ATP7B: variants seen among roughly 807,000 people sequenced by gnomAD.
ATP7B encodes the protein ATPase copper transporting beta.
In ATP7B, 113 loss-of-function variants were observed where a neutral mutation model predicts 118.9. The observed-to-expected ratio is 0.95, with a 90% CI of 0.82 to 1.11. The LOEUF (loss-of-function observed/expected upper bound fraction) is 1.11, where lower values mean the gene tolerates loss of function less well. ATP7B is among the 50% of genes most tolerant of loss of function. The pLI, the probability that ATP7B is intolerant of heterozygous loss-of-function variation, is 0.00. For synonymous variants in ATP7B, 777 were observed against 727.4 expected (o/e 1.07, Z -1.10); for missense variants, 1,867 against 1,871.4 (o/e 1.00, Z 0.04).
intron 1 of ATP7B, among the ~76,000 whole-genome samples, chr13:51,977,800 G>A (rs978297901): frequency 6.6e-6 from 1 of 152,086 alleles, no homozygotes; most frequent in South Asian, 2.1e-4. Flanking sequence ...CAACAGCTGC[G>A]AGATCACTAG....
At chr13:51,953,404 G>C (rs967895126) in intron 9 of ATP7B, among the ~76,000 whole-genome samples, 1 of 152,206 alleles carries the variant, frequency 6.6e-6, no homozygotes, top group African/African-American at 2.4e-5. Context: ...GTCCACTTCT[G>C]TAAGGAGACT....
At chr13:51,952,542 A>C (rs1003670889) in intron 9 of ATP7B, among the ~76,000 whole-genome samples, 1 of 152,258 alleles carries the variant, frequency 6.6e-6, no homozygotes, top group Non-Finnish European at 1.5e-5. Flanking sequence ...CTTCCCAGAC[A>C]CATACAAGGT....
chr13:51,943,990 C>G (rs918341935), intron 14 of ATP7B, 119 bp downstream of exon 14: 164 of 1,324,112 alleles, frequency 1.2e-4, no homozygotes, highest in Non-Finnish European at 1.6e-4. Flanking sequence ...GAAGGGCCCT[C>G]TAAGTGGTTT....
intron 3 of ATP7B, 49 bp from the exon 4 acceptor site, chr13:51,968,656 T>C (rs543433135): frequency 6.3e-7 from 1 of 1,599,884 alleles, no homozygotes; most frequent in East Asian, 2.2e-5. Flanking sequence ...GCAGGGCCTC[T>C]AGGTTGACAC....
At chr13:51,975,535 G>C (rs750167928) in intron 1 of ATP7B, 2 of 524,104 alleles carry the variant, frequency 3.8e-6, no homozygotes, top group Non-Finnish European at 7.6e-6. Context: ...GAAGGCACAG[G>C]TATCCCAAAA....
chr13:51,992,906 A>G (rs1952984751), intron 1 of ATP7B, among the ~76,000 whole-genome samples: 1 of 142,388 alleles, frequency 7.0e-6, no homozygotes, highest in Non-Finnish European at 1.5e-5. Context: ...TGAACCCAGG[A>G]GATGGAGGTT....
chr13:51,939,105 G>A lies in ATP7B; in HGVS notation c.3645C>T (p.Asp1215=), dbSNP rs763228636. The A allele has an allele frequency of 1.5e-5, 25 of 1,614,038 alleles. No homozygotes were observed. The highest frequency in any genetic ancestry group is 1.2e-4 in the Admixed American group (7 of 59,994). ...GGTTGTCCCCCGTGATCAGAACCAC[G>A]TCCACACCCATGCTCTGCAGCGTGT... ...AVHTLQSMGV[D]VVLITGDNRK... is the part of the protein sequence containing the mutation. Residue 1215 remains aspartate, a synonymous_variant, in exon 17 of 21, where the codon GAC becomes GAT. Coordinates refer to ENST00000242839, the MANE Select transcript of ATP7B (RefSeq NM_000053.4).
chr13:52,011,442 G>C lies in ATP7B; in HGVS notation c.-105C>G, dbSNP rs71436268. The C allele has an allele frequency of 2.0e-6, 3 of 1,466,590 alleles. No individual in the cohort carries two copies. Among genetic ancestry groups the C allele is most frequent in the Non-Finnish European group, 1.9e-6 (2 of 1,057,396 alleles). 90.8% of individuals were successfully genotyped at this position (1,466,590 alleles called of 1,614,324 possible). ...TTAAAGTCCCGGGAGAGGAGGCGCA[G>C]AGTGTGAGGGCATCGGCGCGGCTCG... On this transcript the variant is annotated 5_prime_UTR_variant, in exon 1 of 21. Transcript: ENST00000242839.
Position 51,961,819 on chromosome 13 carries a change from C to G in ATP7B, c.1946+18G>C. ...GACTTAGATGAGAGCTGGAGTTTATCTTTTGTGTTCTACCTACTGCTTTAT... is the reference window on the plus strand; with the variant it reads ...GACTTAGATGAGAGCTGGAGTTTATGTTTTGTGTTCTACCTACTGCTTTAT... On this transcript the variant is annotated intron_variant, in intron 6 of 20. Coordinates refer to ENST00000242839, the MANE Select transcript of ATP7B (RefSeq NM_000053.4). The G allele has an allele frequency of 6.2e-7, 1 of 1,609,442 alleles. No homozygotes were observed. Among genetic ancestry groups the G allele is most frequent in the Non-Finnish European group, 8.5e-7 (1 of 1,175,836 alleles).
In ATP7B at chr13:51,958,341, G is replaced by A. The variant is rs755218710; in HGVS notation, c.2325C>T (p.Ala775=). The stretch of plus-strand genomic sequence containing the variant: ...CCAAGTGTTCCAGCCACCGGCCCAG[G>A]GCAATGAACACAAAGAGCATGGGGG... ...DTPPMLFVFI[A]LGRWLEHLAK... The change falls in exon 8 of 21, where the codon GCC becomes GCT. Residue 775 remains alanine (A), a synonymous_variant. Transcript: ENST00000242839. The A allele has an allele frequency of 5.6e-6, 9 of 1,614,188 alleles. No homozygotes were observed. Among genetic ancestry groups the A allele is most frequent in the Non-Finnish European group, 6.8e-6 (8 of 1,180,046 alleles).
chr13:51,991,708 G>A (rs867040558), intron 1 of ATP7B, among the ~76,000 whole-genome samples: 5 of 152,262 alleles, frequency 3.3e-5, no homozygotes, highest in African/African-American at 1.2e-4. Flanking sequence ...AGCCTCAGTG[G>A]CAGGCACCCA....
intron 6 of ATP7B, among the ~76,000 whole-genome samples, chr13:51,960,747 A>G (rs9535808): frequency 0.043 from 6,513 of 152,280 alleles, 218 homozygotes; most frequent in South Asian, 0.11. Context: ...ATTAGTATAA[A>G]CTTATACATT....
chr13:51,963,732 G>A (rs1340594079), intron 5 of ATP7B, among the ~76,000 whole-genome samples: 2 of 99,146 alleles, frequency 2.0e-5, no homozygotes, highest in Admixed American at 1.3e-4. Context: ...GCGAGACCAC[G>A]TCTCAAAAAA....
intron 19 of ATP7B, 97 bp from the exon 20 acceptor site, chr13:51,935,792 G>GGTGGAGACCTCAC: frequency 1.8e-6 from 2 of 1,088,594 alleles, no homozygotes; most frequent in Non-Finnish European, 2.7e-6. Flanking sequence ...GCGGCCCCCA[G>GGTGGAGACCTCAC]TGAGGTCTCC....
chr13:51,955,407 G>C (rs1024575529), intron 9 of ATP7B, among the ~76,000 whole-genome samples: 1 of 152,220 alleles, frequency 6.6e-6, no homozygotes, highest in Non-Finnish European at 1.5e-5. Flanking sequence ...CAAACAGTGA[G>C]CCAAAGGCAG....
intron 1 of ATP7B, among the ~76,000 whole-genome samples, chr13:51,987,892 T>G (rs1201075848): frequency 6.6e-6 from 1 of 152,118 alleles, no homozygotes; most frequent in Non-Finnish European, 1.5e-5. Context: ...TCCTTACACC[T>G]TACACAAAAA....
Position 51,950,167 on chromosome 13 carries a change from CGT to C in ATP7B, c.2576-8_2576-7del. ...AGTGACTGGCATGGCTTCTCCTAGA[CGT>C]AGGAAAGAGACAACTGTCACTTGCT... is the stretch of plus-strand genomic sequence containing the variant. On this transcript the variant is annotated splice_region_variant and splice_polypyrimidine_tract_variant and intron_variant, in intron 10 of 20. Transcript: ENST00000242839. The C allele has an allele frequency of 6.2e-7, 1 of 1,614,122 alleles. No individual in the cohort carries two copies. Among genetic ancestry groups the C allele is most frequent in the East Asian group, 2.2e-5 (1 of 44,864 alleles).
chr13:51,957,456 A>T (rs1958424324), intron 9 of ATP7B, 60 bp downstream of exon 9: 1 of 1,514,958 alleles, frequency 6.6e-7, no homozygotes, highest in African/African-American at 1.4e-5. Flanking sequence ...TGGGCATCTG[A>T]TGCAGCTCAC....
rs1703836459 is a variant in ATP7B at position 51,964,947 on chromosome 13, G to A, written c.1794C>T (p.Ala598=). 6.2e-7 allele frequency: 1 copy of A among 1,614,156 alleles called. No individual in the cohort carries two copies. Among genetic ancestry groups the A allele is most frequent in the Non-Finnish European group, 8.5e-7 (1 of 1,180,038 alleles). ...RTNGITYASV[A]LATSKALVKF... ...TAACAAGGGCTTTGCTGGTGGCAAG[G>A]GCAACGGAGGCATAAGTGATGCCAT... The change falls in exon 5 of 21, where the codon GCC becomes GCT. Residue 598 remains alanine, a synonymous_variant. Coordinates refer to ENST00000242839, the MANE Select transcript of ATP7B (RefSeq NM_000053.4).
Sources: gnomAD v4.1 joint callset for allele counts (sites outside exome capture counted in the v4.1 genomes callset) on GRCh38, gnomAD v4.1.1 for gene constraint, MANE v1.5 for transcripts, NCBI Gene and HGNC (gene_info 2026-07-23, HGNC 2026-07-21) for gene names.